The following SMARCB1 variants were observed in gnomAD, a reference collection of about 807,000 sequenced individuals.
SMARCB1 encodes SWI/SNF related BAF chromatin remodeling complex subunit B1.
Under a neutral mutation model 49.0 loss-of-function variants are expected in SMARCB1, and 5 were observed. The ratio of observed to expected loss-of-function variants is 0.10; its 90% CI spans 0.05 to 0.21. SMARCB1 has a LOEUF of 0.21. Ranked by LOEUF, SMARCB1 falls within the 10% of genes least tolerant of loss-of-function variation. The pLI is 1.00. For synonymous variants in SMARCB1, 201 were observed against 200.1 expected (o/e 1.00, Z -0.04); for missense variants, 226 against 509.2 (o/e 0.44, Z 5.35).
chr22:23,800,661 T>C (rs748947849), intron 3 of SMARCB1, among the ~76,000 whole-genome samples: 1 of 152,146 alleles, frequency 6.6e-6, no homozygotes, highest in Non-Finnish European at 1.5e-5. Flanking sequence ...CTTCCCCGCA[T>C]CCAGGAAGTG....
intron 1 of SMARCB1, 104 bp downstream of exon 1, chr22:23,787,366 GGCGC>G (rs55705149): frequency 1.8e-4 from 88 of 481,430 alleles, no homozygotes; most frequent in Non-Finnish European, 2.4e-4. Context: ...GGGGCGGGCG[GGCGC>G]GCGCGCGCGC....
At chr22:23,813,691 C>T (rs952288937) in intron 5 of SMARCB1, among the ~76,000 whole-genome samples, 1 of 152,170 alleles carries the variant, frequency 6.6e-6, no homozygotes, top group African/African-American at 2.4e-5. Flanking sequence ...AAGATGATGT[C>T]AGTTTTCCCC....
chr22:23,810,071 C>G (rs1164166580), intron 5 of SMARCB1, among the ~76,000 whole-genome samples: 1 of 150,958 alleles, frequency 6.6e-6, no homozygotes, highest in Non-Finnish European at 1.5e-5. Flanking sequence ...ACTTGGGAGG[C>G]TGAGGCAGGA....
Position 23,837,234 on chromosome 22 carries a change from T to C in SMARCB1, c.*3054T>C. The C allele has an allele frequency of 6.5e-7, 1 of 1,532,806 alleles. No homozygotes were observed. The highest frequency in any genetic ancestry group is 8.9e-7 in the Non-Finnish European group (1 of 1,128,194). 95.0% of individuals were successfully genotyped at this position (1,532,806 alleles called of 1,614,324 possible). A position where few individuals can be genotyped will look rare whatever the true frequency, so the allele number is the denominator to read the frequency against. On this transcript the variant is annotated 3_prime_UTR_variant, in exon 9 of 9. Transcript: ENST00000644036. ...CAGCAGAGCCTGCCCCAGGCCCCCA[T>C]CCACAGCCTGGTGGCCCTGCAGGCC...
intron 3 of SMARCB1, among the ~76,000 whole-genome samples, chr22:23,799,763 C>T (rs1336697671): frequency 7.0e-6 from 1 of 143,744 alleles, no homozygotes; most frequent in Non-Finnish European, 1.5e-5. Flanking sequence ...TGGCTCACTG[C>T]AAGCTCTGCC....
chr22:23,787,318 G>A (rs956938415), intron 1 of SMARCB1, 56 bp downstream of exon 1: 9 of 1,097,692 alleles, frequency 8.2e-6, no homozygotes, highest in Non-Finnish European at 1.1e-5. Context: ...GAGCCCCGGG[G>A]CGGGCCCATG....
intron 1 of SMARCB1, among the ~76,000 whole-genome samples, chr22:23,789,498 C>T (rs1175416323): frequency 3.9e-5 from 6 of 152,200 alleles, no homozygotes; most frequent in Admixed American, 2.0e-4. Context: ...CCTTGGGAGG[C>T]CTGGTTCCAG....
At chr22:23,797,212 A>T (rs1259349037) in intron 3 of SMARCB1, among the ~76,000 whole-genome samples, 13 of 148,368 alleles carry the variant, frequency 8.8e-5, no homozygotes, top group Non-Finnish European at 1.6e-4. Context: ...GTTAGCCAGG[A>T]TGGTCTTGAT....
intron 7 of SMARCB1, among the ~76,000 whole-genome samples, chr22:23,832,465 G>T (rs1473885796): frequency 6.6e-6 from 1 of 152,162 alleles, no homozygotes; most frequent in Admixed American, 6.5e-5. Context: ...GGCTGGCAGG[G>T]TGTCCTTCTC....
intron 5 of SMARCB1, among the ~76,000 whole-genome samples, chr22:23,813,527 C>A (rs1158569489): frequency 2.0e-5 from 3 of 152,090 alleles, no homozygotes; most frequent in African/African-American, 7.2e-5. Context: ...AATACATTAC[C>A]ATTTATCATC....
rs748952582 is a variant in SMARCB1 at position 23,816,813 on chromosome 22, C to T, written c.672C>T (p.Asp224=). 8.7e-6 allele frequency: 14 copies of T among 1,614,030 alleles called. No homozygotes were observed. The highest frequency in any genetic ancestry group is 5.3e-5 in the African/African-American group (4 of 75,060). The stretch of plus-strand genomic sequence containing the variant: ...AGATGTTTTCAGAAATCCTCTGTGA[C>T]GATCTGGATTTGAACCCGCTGACGT... The part of the protein sequence containing the change: ...TPEMFSEILC[D]DLDLNPLTFV... The change falls in exon 6 of 9, where the codon GAC becomes GAT. Residue 224 remains aspartate, a synonymous_variant. Coordinates refer to ENST00000644036, the MANE Select transcript of SMARCB1 (RefSeq NM_003073.5).
rs775077193 is a variant in SMARCB1, at chr22:23,836,293, C to T, written c.*2113C>T. ...ATCACCAGATGAAAAATGAGGCATA[C>T]GCCCACCTGTCAGGGTGGCTGATGA... On this transcript the variant is annotated 3_prime_UTR_variant, in exon 9 of 9. Coordinates refer to ENST00000644036, the MANE Select transcript of SMARCB1 (RefSeq NM_003073.5). 5.8e-5 allele frequency: 57 copies of T among 985,352 alleles called. No homozygotes were observed. The highest frequency in any genetic ancestry group is 4.3e-5 in the Non-Finnish European group (36 of 829,954). The allele number at this position is 985,352 out of a possible 1,614,324, so 61.0% of individuals were successfully genotyped here. A position where few individuals can be genotyped will look rare whatever the true frequency, so the allele number is the denominator to read the frequency against.
rs55705149 is a variant in SMARCB1 at position 23,787,366 on chromosome 22, GGC to G, written c.93+119_93+120del. 0.43 allele frequency: 209,260 copies of G among 481,634 alleles called. 48,337 individuals are homozygous for G. The highest frequency in any genetic ancestry group is 0.49 in the Non-Finnish European group (139,513 of 282,660). 29.8% of individuals were successfully genotyped at this position (481,634 alleles called of 1,614,324 possible). A position where few individuals can be genotyped will look rare whatever the true frequency, so the allele number is the denominator to read the frequency against. On this transcript the variant is annotated intron_variant, in intron 1 of 8. Coordinates refer to ENST00000644036, the MANE Select transcript of SMARCB1 (RefSeq NM_003073.5). ...GCGTCTCCATTCATCGGGGCGGGCG[GGC>G]GCGCGCGCGCGCGCTCGGGGCTGTG...
At chr22:23,806,384 C>G (rs1452270987) in intron 5 of SMARCB1, among the ~76,000 whole-genome samples, 1 of 152,122 alleles carries the variant, frequency 6.6e-6, no homozygotes, top group Non-Finnish European at 1.5e-5. Flanking sequence ...AAAGTCTTAA[C>G]CAGTGGAGAA....
intron 5 of SMARCB1, 116 bp from the exon 6 acceptor site, chr22:23,816,654 G>A (rs1391389577): frequency 4.0e-6 from 4 of 1,000,720 alleles, no homozygotes; most frequent in Non-Finnish European, 6.3e-6. Context: ...CAGTGCCCTG[G>A]TTGTCCTCTC....
Position 23,836,748 on chromosome 22 carries a change from T to G in SMARCB1, c.*2568T>G. 1 of 1,373,174 alleles carries G rather than the reference T, an allele frequency of 7.3e-7. No individual in the cohort carries two copies. The allele number at this position is 1,373,174 out of a possible 1,614,324, so 85.1% of individuals were successfully genotyped here. A position where few individuals can be genotyped will look rare whatever the true frequency, so the allele number is the denominator to read the frequency against. On this transcript the variant is annotated 3_prime_UTR_variant, in exon 9 of 9. Coordinates refer to ENST00000644036, the MANE Select transcript of SMARCB1 (RefSeq NM_003073.5). ...GGCCAAGAGACTGCAGCTCATTCTGTTTATTCAGGTGGGCCCTTGCATGGG... is the reference window on the plus strand; with the variant it reads ...GGCCAAGAGACTGCAGCTCATTCTGGTTATTCAGGTGGGCCCTTGCATGGG...
intron 3 of SMARCB1, among the ~76,000 whole-genome samples, chr22:23,794,443 G>T (rs1289790244): frequency 1.3e-5 from 2 of 152,192 alleles, no homozygotes; most frequent in East Asian, 3.8e-4. Context: ...AGCGCTTTGG[G>T]AGGCCGAGGC....
chr22:23,790,337 T>A (rs1007829337), intron 1 of SMARCB1, among the ~76,000 whole-genome samples: 2 of 152,204 alleles, frequency 1.3e-5, no homozygotes, highest in African/African-American at 4.8e-5. Context: ...ACTTGCTGTG[T>A]CTGCTCTTCT....
intron 3 of SMARCB1, 65 bp downstream of exon 3, chr22:23,793,753 C>A (rs2145964968): frequency 6.9e-7 from 1 of 1,455,700 alleles, no homozygotes; most frequent in Non-Finnish European, 9.6e-7. Flanking sequence ...GACTCAAGAA[C>A]TGGTTGGGTT....
Sources: gnomAD v4.1 joint callset for allele counts (sites outside exome capture counted in the v4.1 genomes callset) on GRCh38, gnomAD v4.1.1 for gene constraint, MANE v1.5 for transcripts, NCBI Gene and HGNC (gene_info 2026-07-23, HGNC 2026-07-21) for gene names.